Variants in TTN observed in about 807,000 individuals in gnomAD.
The protein encoded by TTN is titin, also known as connectin.
A neutral mutation model predicts 3,223.0 loss-of-function variants in TTN; 1,525 were observed. The observed-to-expected ratio is 0.47, with a 90% CI of 0.45 to 0.49. TTN has a LOEUF of 0.49. Among genes scored for constraint, TTN ranks in the 20% least tolerant of loss-of-function variants. TTN has a pLI of 0.00. For synonymous variants in TTN, 14,094 were observed against 15,161.0 expected (o/e 0.93, Z 5.17); for missense variants, 40,786 against 43,424.0 (o/e 0.94, Z 5.40).
intron 127 of TTN, 133 bp downstream of exon 127, chr2:178,687,975 ATTT>A: frequency 1.5e-6 from 1 of 655,318 alleles, no homozygotes; most frequent in Non-Finnish European, 2.6e-6. Context: ...CAAAATATTC[ATTT>A]AATGAGACTG....
At chr2:178,668,281 C>G (rs2066326789) in intron 159 of TTN, among the ~76,000 whole-genome samples, 1 of 151,952 alleles carries the variant, frequency 6.6e-6, no homozygotes, top group Admixed American at 6.6e-5. Context: ...ATTTCTCCAG[C>G]CTTTAGAAAG....
In TTN at chr2:178,565,066, C is replaced by T; in HGVS notation, c.81066G>A (p.Met27022Ile). The change falls in exon 326 of 363, where the codon ATG (methionine) becomes ATA (isoleucine). Residue 27022 changes from methionine to isoleucine, a missense_variant. Met to Ile is a conservative substitution (Grantham distance 10). Transcript: ENST00000589042. ...TTGTTCTTGCAACTGTTGCTGATACCATGTGCCAAGTGGTGGTGGTTGTAT... is the reference window on the plus strand; with the variant it reads ...TTGTTCTTGCAACTGTTGCTGATACTATGTGCCAAGTGGTGGTGGTTGTAT... ...KRDTTTTTWH[M>I]VSATVARTTI... The T allele has an allele frequency of 6.2e-7, 1 of 1,613,618 alleles. No homozygotes were observed. Among genetic ancestry groups the T allele is most frequent in the South Asian group, 1.1e-5 (1 of 91,050 alleles).
intron 6 of TTN, 125 bp downstream of exon 6, chr2:178,799,362 G>C: frequency 6.9e-7 from 1 of 1,451,150 alleles, no homozygotes; most frequent in East Asian, 2.3e-5. Context: ...TTTGAGCAGC[G>C]GGACACTGAA....
chr2:178,664,494 A>G lies in TTN; in HGVS notation c.36246T>C (p.His12082=), dbSNP rs775337859. The part of the protein sequence containing the change: ...LREVVPEKKV[H]PPQRAEVVPV... Reference sequence around the variant, plus strand: ...GTACAACTTCAGCCCTTTGGGGAGGATGCACTTTCTTTTCCGGGACAACTT... The same window carrying G: ...GTACAACTTCAGCCCTTTGGGGAGGGTGCACTTTCTTTTCCGGGACAACTT... The change falls in exon 168 of 363, where the codon CAT becomes CAC. Residue 12082 remains histidine, a synonymous_variant. Transcript: ENST00000589042. The G allele has an allele frequency of 6.2e-7, 1 of 1,612,320 alleles. No homozygotes were observed. Among genetic ancestry groups the G allele is most frequent in the Non-Finnish European group, 8.5e-7 (1 of 1,179,518 alleles).
In TTN at chr2:178,532,296, C is replaced by T; in HGVS notation, c.104319G>A (p.Leu34773=). The part of the protein sequence containing the change: ...RIMAEREDEE[L]LRPVTTTQHL... ...GCTGGGTGGTCGTAACTGGGCGAAG[C>T]AACTCTTCATCCTCCCTCTCAGCCA... is the stretch of plus-strand genomic sequence containing the variant. The change falls in exon 358 of 363, where the codon TTG becomes TTA. Residue 34773 remains leucine, a synonymous_variant. Coordinates refer to ENST00000589042, the MANE Select transcript of TTN (RefSeq NM_001267550.2). 6.2e-7 allele frequency: 1 copy of T among 1,613,988 alleles called. No homozygotes were observed. The highest frequency in any genetic ancestry group is 1.1e-5 in the South Asian group (1 of 91,086).
intron 164 of TTN, 21 bp downstream of exon 164, chr2:178,665,687 G>A: frequency 7.6e-7 from 1 of 1,319,022 alleles, no homozygotes; most frequent in Non-Finnish European, 9.7e-7. Flanking sequence ...ATGAAGGAAG[G>A]AATGGCAGGA....
Position 178,783,789 on chromosome 2 carries a change from G to C in TTN, c.2776-4C>G, listed in dbSNP as rs751641811. ...GTACTCTTGCTGTTTCTGTTACCTA[G>C]ATTTTTACAAATTATATTACAAAAT... is the stretch of plus-strand genomic sequence containing the variant. On this transcript the variant is annotated splice_polypyrimidine_tract_variant and splice_region_variant and intron_variant, in intron 16 of 362. Transcript: ENST00000589042. 3.1e-6 allele frequency: 5 copies of C among 1,612,122 alleles called. No individual in the cohort carries two copies. Among genetic ancestry groups the C allele is most frequent in the Non-Finnish European group, 4.2e-6 (5 of 1,179,054 alleles).
intron 16 of TTN, 33 bp downstream of exon 16, chr2:178,784,037 G>A (rs763169934): frequency 3.1e-6 from 5 of 1,611,444 alleles, no homozygotes. Context: ...CAATGGGAGT[G>A]GACCATGTAA....
In TTN at chr2:178,632,198, T is replaced by G. The variant is rs1415295161; in HGVS notation, c.43696A>C (p.Ile14566Leu). ...CTCATCCCCATAGCTTCTACTCTAATTTGGGAGGTGTCATCAATAGACAGG... is the reference window on the plus strand; with the variant it reads ...CTCATCCCCATAGCTTCTACTCTAAGTTGGGAGGTGTCATCAATAGACAGG... The part of the protein sequence containing the change: ...KDLSIDDTSQ[I>L]RVEAMGMSSE... Residue 14566 changes from isoleucine (I) to leucine (L), a missense_variant, in exon 236 of 363, where the codon ATT (isoleucine) becomes CTT (leucine). Transcript: ENST00000589042. The G allele has an allele frequency of 1.2e-5, 19 of 1,609,084 alleles. No homozygotes were observed. Among genetic ancestry groups the G allele is most frequent in the Non-Finnish European group, 1.4e-5 (17 of 1,177,474 alleles).
chr2:178,599,911 A>T, intron 288 of TTN, 61 bp from the exon 289 acceptor site: 1 of 1,458,728 alleles, frequency 6.9e-7, no homozygotes, highest in Non-Finnish European at 9.1e-7. Context: ...AGAAAGTAGA[A>T]TTCACAGTTA....
chr2:178,586,027 A>G (rs2048874988), intron 308 of TTN, among the ~76,000 whole-genome samples: 1 of 152,140 alleles, frequency 6.6e-6, no homozygotes, highest in Non-Finnish European at 1.5e-5. Context: ...ACTGTCTTCC[A>G]TAATGGTTGA....
In TTN at chr2:178,689,825, G is replaced by T. The variant is rs1162496832; in HGVS notation, c.31834C>A (p.Pro10612Thr). ...AAAGCCACTGTACCTTTAGCTGGGG[G>T]AGCTTCCTTTTTCTTTGCAACAGGA... The part of the protein sequence containing the change: ...PVPVAKKKEA[P>T]PAKVPEVQKG... Residue 10612 changes from proline (P) to threonine (T), a missense_variant, in exon 122 of 363, where the codon CCC becomes ACC. Transcript: ENST00000589042. 1 of 1,611,076 alleles carries T rather than the reference G, an allele frequency of 6.2e-7. No homozygotes were observed. The highest frequency in any genetic ancestry group is 1.3e-5 in the African/African-American group (1 of 74,608).
rs1424335711 is a variant in TTN, at chr2:178,614,303, T to C, written c.49094A>G (p.Asn16365Ser). 10 of 1,612,794 alleles carry C rather than the reference T, an allele frequency of 6.2e-6. No homozygotes were observed. Among genetic ancestry groups the C allele is most frequent in the Non-Finnish European group, 8.5e-6 (10 of 1,179,266 alleles). The change falls in exon 262 of 363, where the codon AAT (asparagine) becomes AGT (serine). Residue 16365 changes from asparagine to serine, a missense_variant. Coordinates refer to ENST00000589042, the MANE Select transcript of TTN (RefSeq NM_001267550.2). ...PAAFDITDVT[N>S]ESCLLTWNPP... ...GTTCCATGTTAGAAGACATGACTCATTGGTTACATCTGTGATGTCAAAGGC... is the reference window on the plus strand; with the variant it reads ...GTTCCATGTTAGAAGACATGACTCACTGGTTACATCTGTGATGTCAAAGGC...
intron 271 of TTN, 51 bp from the exon 272 acceptor site, chr2:178,610,037 C>G: frequency 1.2e-6 from 2 of 1,610,374 alleles, no homozygotes; most frequent in Non-Finnish European, 1.7e-6. Context: ...CTTCTTAAAA[C>G]AAAACTATGG....
chr2:178,535,403 G>A lies in TTN; in HGVS notation c.101212C>T (p.Arg33738Cys), dbSNP rs56273463. ...CGTGTTTCTCGGGCCTGTCCTACAC[G>A]GAGCCATCTTTCTGCAGTAGTTGCA... ...KCATTAERWL[R>C]VGQARETRYT... Residue 33738 changes from arginine to cysteine, a missense_variant, in exon 358 of 363, where the codon CGT becomes TGT. Transcript: ENST00000589042. 8.7e-3 allele frequency: 13,988 copies of A among 1,613,814 alleles called. 86 individuals are homozygous for A. The highest frequency in any genetic ancestry group is 0.011 in the Non-Finnish European group (12,394 of 1,179,824).
chr2:178,586,280 A>G (rs185793326), intron 308 of TTN, among the ~76,000 whole-genome samples: 13 of 152,236 alleles, frequency 8.5e-5, no homozygotes, highest in Admixed American at 5.2e-4. Context: ...AATGCACATG[A>G]TAATAAATGG....
rs764341407 is a variant in TTN at position 178,673,642 on chromosome 2, G to A, written c.34777C>T (p.Pro11593Ser). Residue 11593 changes from proline to serine, a missense_variant, in exon 152 of 363, where the codon CCA becomes TCA. Physicochemically the swap from Pro to Ser is moderately conservative, Grantham distance 74. Transcript: ENST00000589042. ...TPVPKKVEAP[P>S]AKVSKKIPEE... ...TGAGGATTTGATATACCTTTAGCTGGTGGTGCCTCCACTTTTTTAGGAACA... is the reference window on the plus strand; with the variant it reads ...TGAGGATTTGATATACCTTTAGCTGATGGTGCCTCCACTTTTTTAGGAACA... The A allele has an allele frequency of 3.8e-6, 6 of 1,593,838 alleles. No homozygotes were observed. In the South Asian group the frequency reaches 7.0e-5, roughly 19 times the overall value.
In TTN at chr2:178,561,779, C is replaced by G; in HGVS notation, c.84353G>C (p.Arg28118Pro). ...AVARTSIKIV[R>P]LTTGSEYQFR... is the part of the protein sequence containing the mutation. Reference sequence around the variant, plus strand: ...CTGATACTCACTTCCTGTTGTCAGGCGAACTATTTTAATGGATGTTCTTGC... The same window carrying G: ...CTGATACTCACTTCCTGTTGTCAGGGGAACTATTTTAATGGATGTTCTTGC... Residue 28118 changes from arginine (R) to proline (P), a missense_variant, in exon 326 of 363, where the codon CGC becomes CCC. Transcript: ENST00000589042. 1 of 1,613,560 alleles carries G rather than the reference C, an allele frequency of 6.2e-7. No homozygotes were observed. Among genetic ancestry groups the G allele is most frequent in the Non-Finnish European group, 8.5e-7 (1 of 1,179,704 alleles).
Position 178,571,620 on chromosome 2 carries a change from C to T in TTN, c.74512G>A (p.Gly24838Arg). The T allele has an allele frequency of 6.2e-7, 1 of 1,613,234 alleles. No individual in the cohort carries two copies. ...ACAATGTAATTATTGATAGAACTTC[C>T]ACCATCATACTTGGGTGGGCCCCAG... is the stretch of plus-strand genomic sequence containing the variant. The part of the protein sequence containing the change: ...LSWGPPKYDG[G>R]SSINNYIVEK... The change falls in exon 326 of 363, where the codon GGA (glycine) becomes AGA (arginine). Residue 24838 changes from glycine (G) to arginine (R), a missense_variant. Gly to Arg is a moderately radical substitution (Grantham distance 125, BLOSUM62 -2). Coordinates refer to ENST00000589042, the MANE Select transcript of TTN (RefSeq NM_001267550.2).
Sources: allele counts gnomAD v4.1 joint callset (sites outside exome capture counted in the v4.1 genomes callset), GRCh38; gene constraint gnomAD v4.1.1; transcripts MANE v1.5; gene names NCBI Gene and HGNC (gene_info 2026-07-23, HGNC 2026-07-21).